Variants in MELK observed in about 807,000 individuals in gnomAD.
MELK encodes maternal embryonic leucine zipper kinase.
MELK carries 81 observed loss-of-function variants against 85.0 expected under a neutral mutation model. The observed-to-expected ratio is 0.95, with a 90% CI of 0.80 to 1.15. The LOEUF (loss-of-function observed/expected upper bound fraction) is 1.15. MELK is among the 50% of genes most tolerant of loss of function. The probability of loss-of-function intolerance (pLI) is 0.00; values close to 1 mark genes in which losing one functional copy is unlikely to be tolerated. For synonymous variants in MELK, 252 were observed against 265.0 expected (o/e 0.95, Z 0.48); for missense variants, 754 against 777.5 (o/e 0.97, Z 0.36).
chr9:36,605,770 T>C (rs1825418419), intron 7 of MELK, among the ~76,000 whole-genome samples: 1 of 151,706 alleles, frequency 6.6e-6, no homozygotes, highest in South Asian at 2.1e-4. Context: ...TATGTGATGC[T>C]GCTCAAGTTA....
At chr9:36,582,570 A>G (rs997884068) in intron 2 of MELK, among the ~76,000 whole-genome samples, 1 of 152,244 alleles carries the variant, frequency 6.6e-6, no homozygotes, top group Non-Finnish European at 1.5e-5. Flanking sequence ...TATAACATAT[A>G]GTAAAATATG....
chr9:36,628,354 AG>A (rs1489094571), intron 8 of MELK, among the ~76,000 whole-genome samples: 1 of 152,222 alleles, frequency 6.6e-6, no homozygotes, highest in Non-Finnish European at 1.5e-5. Flanking sequence ...GGGAGTCAGC[AG>A]TAGTCAGTGA....
chr9:36,597,375 T>G, intron 6 of MELK, 85 bp downstream of exon 6: 2 of 1,253,500 alleles, frequency 1.6e-6, no homozygotes, highest in Non-Finnish European at 1.1e-6. Context: ...TTCCACTTAT[T>G]CTTTATTGAG....
intron 4 of MELK, among the ~76,000 whole-genome samples, chr9:36,591,189 A>G (rs1414454447): frequency 6.6e-6 from 1 of 152,198 alleles, no homozygotes; most frequent in Non-Finnish European, 1.5e-5. Flanking sequence ...ATCTACCTAC[A>G]TGGTCCACAT....
chr9:36,598,581 C>T (rs1254819502), intron 6 of MELK, among the ~76,000 whole-genome samples: 5 of 152,202 alleles, frequency 3.3e-5, no homozygotes, highest in Admixed American at 2.6e-4. Context: ...GAACTGGAAG[C>T]TAAGGGAGTG....
In MELK at chr9:36,583,607, T is replaced by C; in HGVS notation, c.59-20T>C. 1 of 1,555,702 alleles carries C rather than the reference T, an allele frequency of 6.4e-7. No homozygotes were observed. Among genetic ancestry groups the C allele is most frequent in the Non-Finnish European group, 8.8e-7 (1 of 1,131,862 alleles). Reference sequence around the variant, plus strand: ...GCCTGAGTCCTTGCTTATGCTTTCATAATACATTTTCCTACTTAGGTGGCT... The same window carrying C: ...GCCTGAGTCCTTGCTTATGCTTTCACAATACATTTTCCTACTTAGGTGGCT... On this transcript the variant is annotated intron_variant, in intron 2 of 17. Coordinates refer to ENST00000298048, the MANE Select transcript of MELK (RefSeq NM_014791.4).
At chr9:36,664,675 A>G (rs1489681618) in intron 13 of MELK, among the ~76,000 whole-genome samples, 2 of 152,166 alleles carry the variant, frequency 1.3e-5, no homozygotes, top group Non-Finnish European at 2.9e-5. Context: ...TATTTAACTC[A>G]GCCTTTAATT....
intron 17 of MELK, among the ~76,000 whole-genome samples, chr9:36,675,959 C>G (rs998150646): frequency 9.2e-5 from 14 of 152,060 alleles, no homozygotes; most frequent in African/African-American, 3.4e-4. Context: ...TTCTGTGAAC[C>G]CTGGCATTCC....
chr9:36,628,871 T>C (rs1295472103), intron 8 of MELK, among the ~76,000 whole-genome samples: 3 of 149,334 alleles, frequency 2.0e-5, no homozygotes. Flanking sequence ...TTCTTTTTTT[T>C]TTTTTTTTTT....
At chr9:36,639,436 C>T (rs1374260680) in intron 10 of MELK, among the ~76,000 whole-genome samples, 3 of 152,198 alleles carry the variant, frequency 2.0e-5, no homozygotes, top group Admixed American at 6.5e-5. Flanking sequence ...TGTAACTCTA[C>T]GCATGATCGC....
chr9:36,577,383 T>C (rs1470655733), intron 1 of MELK, among the ~76,000 whole-genome samples: 1 of 152,030 alleles, frequency 6.6e-6, no homozygotes, highest in Non-Finnish European at 1.5e-5. Flanking sequence ...TATGGTGTTG[T>C]TGTTCGCCTG....
intron 10 of MELK, 91 bp from the exon 11 acceptor site, chr9:36,642,906 T>C (rs879750381): frequency 2.4e-6 from 2 of 834,496 alleles, no homozygotes; most frequent in African/African-American, 3.5e-5. Flanking sequence ...GATATTTGAT[T>C]GTATAAAGTA....
chr9:36,634,751 G>T (rs373555943), intron 10 of MELK, among the ~76,000 whole-genome samples: 2 of 151,980 alleles, frequency 1.3e-5, no homozygotes, highest in Non-Finnish European at 2.9e-5. Context: ...TGTAATCCCA[G>T]CACTTTGGGA....
intron 11 of MELK, among the ~76,000 whole-genome samples, chr9:36,648,581 T>C (rs1301794464): frequency 2.6e-5 from 4 of 152,228 alleles, no homozygotes; most frequent in Non-Finnish European, 5.9e-5. Flanking sequence ...AAAGTCTTCA[T>C]ATTGAACAGT....
At chr9:36,602,145 A>T (rs572275975) in intron 7 of MELK, among the ~76,000 whole-genome samples, 1 of 152,104 alleles carries the variant, frequency 6.6e-6, no homozygotes, top group African/African-American at 2.4e-5. Context: ...TGGAATCTCC[A>T]TACTGTTTTC....
At chr9:36,617,099 G>A (rs947071665) in intron 8 of MELK, among the ~76,000 whole-genome samples, 1 of 152,048 alleles carries the variant, frequency 6.6e-6, no homozygotes. Context: ...TAGAACAGTT[G>A]GTGGGTCAAA....
At chr9:36,619,050 C>T (rs1040148248) in intron 8 of MELK, among the ~76,000 whole-genome samples, 1 of 151,878 alleles carries the variant, frequency 6.6e-6, no homozygotes, top group Non-Finnish European at 1.5e-5. Flanking sequence ...CCTCCGCCTC[C>T]CAGGTTCAAG....
chr9:36,672,233 G>A (rs927797694), intron 16 of MELK, among the ~76,000 whole-genome samples: 4 of 152,054 alleles, frequency 2.6e-5, no homozygotes, highest in African/African-American at 9.7e-5. Context: ...GTGCTGAGAC[G>A]TTACATATGG....
intron 1 of MELK, among the ~76,000 whole-genome samples, chr9:36,577,973 A>C (rs1203710912): frequency 6.6e-6 from 1 of 151,890 alleles, no homozygotes; most frequent in African/African-American, 2.4e-5. Context: ...TTTAGTAGAG[A>C]CAAGGTCTTG....
Sources: allele counts gnomAD v4.1 joint callset (sites outside exome capture counted in the v4.1 genomes callset), GRCh38; gene constraint gnomAD v4.1.1; transcripts MANE v1.5; gene names NCBI Gene and HGNC (gene_info 2026-07-23, HGNC 2026-07-21).